The following SOX5 variants were observed in gnomAD, a reference collection of about 807,000 sequenced individuals.
SOX5 encodes the protein transcription factor SOX-5.
Under a neutral mutation model 92.0 loss-of-function variants are expected in SOX5, and 9 were observed. The observed-to-expected ratio is 0.10, with a 90% CI of 0.06 to 0.17. The LOEUF (loss-of-function observed/expected upper bound fraction) is 0.17, where lower values mean the gene tolerates loss of function less well. Ranked by LOEUF, SOX5 falls within the 10% of genes least tolerant of loss-of-function variation. The pLI is 1.00. For missense variants in SOX5, 642 were observed against 944.5 expected (o/e 0.68, Z 4.20); for synonymous variants, 344 against 336.3 (o/e 1.02, Z -0.25).
chr12:23,934,587 C>A (rs1942151131), intron 1 of SOX5, among the ~76,000 whole-genome samples: 1 of 150,616 alleles, frequency 6.6e-6, no homozygotes, highest in Non-Finnish European at 1.5e-5. Flanking sequence ...CCTGTATAAA[C>A]CACCAGTTTA....
intron 8 of SOX5, among the ~76,000 whole-genome samples, chr12:23,610,321 T>C (rs1199883644): frequency 6.6e-6 from 1 of 152,140 alleles, no homozygotes; most frequent in African/African-American, 2.4e-5. Flanking sequence ...ACACAACTTC[T>C]CTGATTGACT....
chr12:24,209,133 A>C (rs1265751433), intron 4 of SOX5, among the ~76,000 whole-genome samples: 2 of 152,196 alleles, frequency 1.3e-5, no homozygotes, highest in African/African-American at 4.8e-5. Context: ...TTTTGCTTCT[A>C]GTAATGCAGA....
intron 4 of SOX5, among the ~76,000 whole-genome samples, chr12:24,054,562 C>T (rs2137173945): frequency 6.6e-6 from 1 of 152,238 alleles, no homozygotes; most frequent in Middle Eastern, 3.4e-3. Context: ...GATAAATCTC[C>T]CTGACACAGG....
intron 9 of SOX5, among the ~76,000 whole-genome samples, chr12:23,584,916 CA>C (rs1166761476): frequency 6.6e-6 from 1 of 151,936 alleles, no homozygotes; most frequent in African/African-American, 2.4e-5. Flanking sequence ...AATCAAATTT[CA>C]AACAGTTTAA....
At chr12:23,680,325 C>CAAAAAAAAAAAAAAAAAA (rs57754255) in intron 6 of SOX5, among the ~76,000 whole-genome samples, 3 of 48,382 alleles carry the variant, frequency 6.2e-5, no homozygotes, top group Non-Finnish European at 1.2e-4. Context: ...GACCTTGTCT[C>CAAAAAAAAAAAAAAAAAA]AAAAAAAAAA....
At chr12:23,644,932 A>G (rs1305837005) in intron 7 of SOX5, among the ~76,000 whole-genome samples, 1 of 152,214 alleles carries the variant, frequency 6.6e-6, no homozygotes, top group Non-Finnish European at 1.5e-5. Flanking sequence ...AACAAAAGCA[A>G]AATTGTAGAG....
intron 2 of SOX5, among the ~76,000 whole-genome samples, chr12:24,278,336 A>G (rs1428842690): frequency 2.6e-5 from 4 of 152,194 alleles, no homozygotes; most frequent in Non-Finnish European, 5.9e-5. Context: ...ATGTTGACAA[A>G]GAGAAGAATC....
chr12:24,076,599 T>C (rs1035066587), intron 4 of SOX5, among the ~76,000 whole-genome samples: 3 of 152,026 alleles, frequency 2.0e-5, no homozygotes, highest in South Asian at 2.1e-4. Context: ...TCTTTTTCCA[T>C]GTGAAAAAGT....
chr12:23,542,573 T>G (rs566575629), intron 13 of SOX5, among the ~76,000 whole-genome samples: 2 of 152,364 alleles, frequency 1.3e-5, no homozygotes, highest in South Asian at 4.1e-4. Context: ...TACTTTGTTT[T>G]CTGTTCAATT....
At chr12:24,237,269 C>T (rs1198416312) in intron 3 of SOX5, among the ~76,000 whole-genome samples, 2 of 152,128 alleles carry the variant, frequency 1.3e-5, no homozygotes, top group Non-Finnish European at 2.9e-5. Context: ...CCCAGAGATG[C>T]CCTGAGTCCT....
intron 3 of SOX5, among the ~76,000 whole-genome samples, chr12:23,792,394 G>T (rs1251647540): frequency 6.6e-6 from 1 of 151,828 alleles, no homozygotes. Context: ...GGAGACCGAG[G>T]TGGGTGGATC....
Position 23,534,035 on chromosome 12 carries a change from T to A in SOX5, c.*184A>T, listed in dbSNP as rs2135840954. 5 of 552,990 alleles carry A rather than the reference T, an allele frequency of 9.0e-6. No individual in the cohort carries two copies. In the East Asian group the frequency reaches 1.4e-4, roughly 16 times the overall value. The allele number at this position is 552,990 out of a possible 1,614,324, so 34.3% of individuals were successfully genotyped here. On this transcript the variant is annotated 3_prime_UTR_variant, in exon 15 of 15. Transcript: ENST00000451604. The stretch of plus-strand genomic sequence containing the variant: ...TGATATTGTTGTTTGCTTGTTGTAT[T>A]TGTTTTTTCTTTCCAAGCCTTTTGA...
At chr12:24,344,147 G>A (rs1952916452) in intron 2 of SOX5, among the ~76,000 whole-genome samples, 1 of 152,018 alleles carries the variant, frequency 6.6e-6, no homozygotes, top group Admixed American at 6.5e-5. Flanking sequence ...GTTGGGCGTG[G>A]TGGGACATGC....
intron 4 of SOX5, among the ~76,000 whole-genome samples, chr12:24,098,685 G>A (rs927830766): frequency 6.6e-6 from 1 of 152,118 alleles, no homozygotes; most frequent in African/African-American, 2.4e-5. Context: ...AATGTGTATA[G>A]TTTCTTTGCC....
Position 23,536,564 on chromosome 12 carries a change from T to A in SOX5, c.1877A>T (p.Lys626Met). 1 of 1,614,170 alleles carries A rather than the reference T, an allele frequency of 6.2e-7. No individual in the cohort carries two copies. Among genetic ancestry groups the A allele is most frequent in the Non-Finnish European group, 8.5e-7 (1 of 1,179,990 alleles). The change falls in exon 14 of 15, where the codon AAG (lysine) becomes ATG (methionine). Residue 626 changes from lysine (K) to methionine (M), a missense_variant. This residue lies in a region of SOX5 where 21 missense variants were observed against 52.3 expected (regional missense o/e 0.40). Transcript: ENST00000451604. ...CAGGCAGGTGCGCTTTGGCCTGGGC[T>A]TGTACTTATAGTCAGGGTACTTCTC... ...HLEKYPDYKY[K>M]PRPKRTCLVD... is the part of the protein sequence containing the mutation.
intron 3 of SOX5, 121 bp from the exon 4 acceptor site, chr12:23,755,845 C>A: frequency 1.7e-6 from 1 of 576,192 alleles, no homozygotes; most frequent in Non-Finnish European, 3.0e-6. Flanking sequence ...ATAATGGCTT[C>A]ATCAAAAAAC....
At chr12:24,364,064 C>G (rs558508714) in intron 2 of SOX5, among the ~76,000 whole-genome samples, 4 of 152,214 alleles carry the variant, frequency 2.6e-5, no homozygotes, top group African/African-American at 9.6e-5. Flanking sequence ...CTCTTTGACT[C>G]CCAGTTAGAG....
intron 1 of SOX5, among the ~76,000 whole-genome samples, chr12:24,560,915 T>C (rs1954272400): frequency 6.6e-6 from 1 of 152,158 alleles, no homozygotes; most frequent in African/African-American, 2.4e-5. Context: ...TGTGTGTGTG[T>C]TTTCAGGGTA....
intron 4 of SOX5, among the ~76,000 whole-genome samples, chr12:24,121,428 T>A (rs144862699): frequency 2.0e-4 from 30 of 152,158 alleles, no homozygotes; most frequent in African/African-American, 6.5e-4. Context: ...TGAGAGCAAA[T>A]GAATTTTGCT....
Sources: allele counts gnomAD v4.1 joint callset (sites outside exome capture counted in the v4.1 genomes callset), GRCh38; gene constraint gnomAD v4.1.1; regional missense constraint gnomAD v4.1.1; transcripts MANE v1.5; gene names NCBI Gene and HGNC (gene_info 2026-07-23, HGNC 2026-07-21).